TANC1: variants seen among roughly 807,000 people sequenced by gnomAD.
TANC1 encodes tetratricopeptide repeat, ankyrin repeat and coiled-coil containing 1.
Under a neutral mutation model 149.7 loss-of-function variants are expected in TANC1, and 77 were observed. The ratio of observed to expected loss-of-function variants is 0.51; its 90% confidence interval spans 0.43 to 0.62. The LOEUF (loss-of-function observed/expected upper bound fraction) is 0.62, where lower values mean the gene tolerates loss of function less well. Among genes scored for constraint, TANC1 ranks in the 20% least tolerant of loss-of-function variants. TANC1 has a pLI of 0.00. For synonymous variants in TANC1, 854 were observed against 925.0 expected (o/e 0.92, Z 1.39); for missense variants, 1,985 against 2,321.8 (o/e 0.85, Z 2.98).
Position 159,128,790 on chromosome 2 carries a change from G to T in TANC1, c.260-7404G>T, listed in dbSNP as rs562817242. Among the ~76,000 whole-genome samples the T allele has an allele frequency of 3.3e-4, 50 of 152,256 alleles. 1 individual carries two copies. The highest frequency in any genetic ancestry group is 6.6e-4 in the Non-Finnish European group (45 of 68,002). On this transcript the variant is annotated intron_variant, in intron 4 of 26. Transcript: ENST00000263635. ...TGACCAAGCACTCTTTTGTTGGGGG[G>T]GCAGGGGAAGAGGGGTCAAACTTTA... is the stretch of plus-strand genomic sequence containing the variant.
chr2:159,043,911 G>A (rs1372648155), intron 2 of TANC1, among the ~76,000 whole-genome samples: 1 of 152,124 alleles, frequency 6.6e-6, no homozygotes, highest in Non-Finnish European at 1.5e-5. Flanking sequence ...TACCTCAAAT[G>A]CTCTTCATAG....
Position 159,097,806 on chromosome 2 carries a change from G to C in TANC1, c.231G>C (p.Val77=). 5.0e-6 allele frequency: 8 copies of C among 1,613,438 alleles called. No individual in the cohort carries two copies. The highest frequency in any genetic ancestry group is 6.8e-6 in the Non-Finnish European group (8 of 1,179,608). Residue 77 remains valine, a synonymous_variant, in exon 4 of 27, where the codon GTG becomes GTC. Coordinates refer to ENST00000263635, the MANE Select transcript of TANC1 (RefSeq NM_033394.3). The stretch of plus-strand genomic sequence containing the variant: ...TGCTGCCTCGACAGTCTCACTTGGT[G>C]CAATCAAGAGTGAACAAAAAATCCC... ...SPLLPRQSHL[V]QSRVNKKSPG...
chr2:159,089,201 A>G lies in TANC1; in HGVS notation c.62-8436A>G, dbSNP rs551085626. On this transcript the variant is annotated intron_variant, in intron 3 of 26. Coordinates refer to ENST00000263635, the MANE Select transcript of TANC1 (RefSeq NM_033394.3). ...GCCACCAATTGTTTATTGCAACAACAAAGGATCCCCTTTTGTCATCTTTAA... is the reference window on the plus strand; with the variant it reads ...GCCACCAATTGTTTATTGCAACAACGAAGGATCCCCTTTTGTCATCTTTAA... 5.9e-5 allele frequency among the ~76,000 whole-genome samples: 9 copies of G among 152,296 alleles called. No individual in the cohort carries two copies. In the South Asian group the frequency reaches 1.9e-3, roughly 32 times the overall value.
intron 2 of TANC1, among the ~76,000 whole-genome samples, chr2:159,031,948 A>T (rs968611539): frequency 6.6e-6 from 1 of 152,262 alleles, no homozygotes; most frequent in African/African-American, 2.4e-5. Flanking sequence ...ATCATCTTTA[A>T]GAAAGTTGAA....
At chr2:159,177,359 A>G (rs1005229037) in intron 13 of TANC1, among the ~76,000 whole-genome samples, 2 of 151,922 alleles carry the variant, frequency 1.3e-5, no homozygotes, top group African/African-American at 4.8e-5. Context: ...TGTCTTAACC[A>G]TTGACTCCTT....
At position 159,137,624 on chromosome 2, in the gene TANC1, G is replaced by A. The variant is rs527618929; in HGVS notation, c.364+1326G>A. On this transcript the variant is annotated intron_variant, in intron 5 of 26. Coordinates refer to ENST00000263635, the MANE Select transcript of TANC1 (RefSeq NM_033394.3). ...TACATGAGGCCTCTCTTGATTGTGC[G>A]TTCACGTGGGCAGGCAGTCTGTTCT... 2.1e-3 allele frequency among the ~76,000 whole-genome samples: 321 copies of A among 152,312 alleles called. 2 individuals are homozygous for A. The Middle Eastern group carries it at 0.044, about 21-fold the overall frequency.
chr2:159,164,418 T>C (rs899793011), intron 8 of TANC1, among the ~76,000 whole-genome samples: 3 of 152,176 alleles, frequency 2.0e-5, no homozygotes, highest in Non-Finnish European at 4.4e-5. Context: ...AGTAGGAACT[T>C]GAGCATCTGA....
At chr2:159,002,448 A>G (rs1037914631) in intron 2 of TANC1, among the ~76,000 whole-genome samples, 23 of 152,238 alleles carry the variant, frequency 1.5e-4, no homozygotes, top group African/African-American at 5.5e-4. Flanking sequence ...GGCTTTGTAG[A>G]TGATCAGCAA....
Position 159,047,014 on chromosome 2 carries a change from T to G in TANC1, c.-15-18882T>G, listed in dbSNP as rs561550967. On this transcript the variant is annotated intron_variant, in intron 2 of 26. Transcript: ENST00000263635. ...CATCCTTGGTGGTTTTCTTTTAGTC[T>G]GCTCAGCCTTTTTGGGGGAGACCTC... 1.9e-4 allele frequency among the ~76,000 whole-genome samples: 29 copies of G among 152,314 alleles called. No homozygotes were observed. The South Asian group carries it at 6.0e-3, about 32-fold the overall frequency.
intron 2 of TANC1, among the ~76,000 whole-genome samples, chr2:159,008,868 T>C (rs1209280959): frequency 1.3e-5 from 2 of 152,126 alleles, no homozygotes; most frequent in African/African-American, 4.8e-5. Context: ...GTAGTAGGAC[T>C]CCCAGGGCAG....
At chr2:159,191,795 C>T (rs2057462620) in intron 16 of TANC1, among the ~76,000 whole-genome samples, 1 of 152,032 alleles carries the variant, frequency 6.6e-6, no homozygotes, top group African/African-American at 2.4e-5. Context: ...AGTTTTTATG[C>T]CTTGTCATCT....
chr2:158,992,926 A>C (rs2035803882), intron 1 of TANC1, among the ~76,000 whole-genome samples: 1 of 151,822 alleles, frequency 6.6e-6, no homozygotes, highest in Non-Finnish European at 1.5e-5. Context: ...ACTGTGCTTC[A>C]CTTGCACCTT....
intron 7 of TANC1, 48 bp from the exon 8 acceptor site, chr2:159,163,235 C>T (rs772647105): frequency 1.9e-6 from 3 of 1,579,966 alleles, no homozygotes; most frequent in Non-Finnish European, 2.6e-6. Context: ...ATTCTTCAGC[C>T]CCAGCTGTGC....
intron 5 of TANC1, chr2:159,148,522 C>T (rs55863936): frequency 0.16 from 23,923 of 152,290 alleles, 2,458 homozygotes; most frequent in Non-Finnish European, 0.24. Flanking sequence ...GGTACTGGGT[C>T]CTGTCTCTTG....
intron 2 of TANC1, among the ~76,000 whole-genome samples, chr2:159,062,991 A>AAAAAAAAAAAAG (rs1553534848): frequency 6.8e-6 from 1 of 147,094 alleles, no homozygotes; most frequent in Non-Finnish European, 1.5e-5. Context: ...AAAAAAAAAA[A>AAAAAAAAAAAAG]AAAAGAAAGC....
chr2:159,052,513 T>C (rs1382129893), intron 2 of TANC1, among the ~76,000 whole-genome samples: 1 of 152,202 alleles, frequency 6.6e-6, no homozygotes, highest in African/African-American at 2.4e-5. Flanking sequence ...CCCCTCGATC[T>C]TGGACTTCCC....
At chr2:159,097,578 A>T in intron 3 of TANC1, 59 bp from the exon 4 acceptor site, 1 of 1,316,322 alleles carries the variant, frequency 7.6e-7, no homozygotes, top group Non-Finnish European at 1.1e-6. Flanking sequence ...TAGGAGTTAA[A>T]TTTGCATCAA....
At chr2:159,148,569 A>G (rs1028662747) in intron 5 of TANC1, 5 of 152,228 alleles carry the variant, frequency 3.3e-5, no homozygotes, top group African/African-American at 9.6e-5. Flanking sequence ...TTTTGTTTCA[A>G]CTTGGATTCT....
At chr2:159,096,606 T>A (rs2046167180) in intron 3 of TANC1, among the ~76,000 whole-genome samples, 1 of 152,220 alleles carries the variant, frequency 6.6e-6, no homozygotes, top group African/African-American at 2.4e-5. Context: ...GCTGTGTTGT[T>A]CCCCTATTGG....
Sources: allele counts gnomAD v4.1 joint callset (sites outside exome capture counted in the v4.1 genomes callset), GRCh38; gene constraint gnomAD v4.1.1; transcripts MANE v1.5; gene names NCBI Gene and HGNC (gene_info 2026-07-23, HGNC 2026-07-21).